The following HPSE2 variants were observed in gnomAD, a reference collection of about 807,000 sequenced individuals.
The protein encoded by HPSE2 is inactive heparanase-2.
A neutral mutation model predicts 60.5 loss-of-function variants in HPSE2; 38 were observed. The ratio of observed to expected loss-of-function variants is 0.63; its 90% CI spans 0.48 to 0.82. The LOEUF (loss-of-function observed/expected upper bound fraction) is 0.82. Among genes scored for constraint, HPSE2 ranks in the 40% least tolerant of loss-of-function variants. The probability of loss-of-function intolerance (pLI) is 0.00; values close to 1 mark genes in which losing one functional copy is unlikely to be tolerated. For missense variants in HPSE2, 713 were observed against 740.4 expected (o/e 0.96, Z 0.43); for synonymous variants, 295 against 293.2 (o/e 1.01, Z -0.06).
intron 1 of HPSE2, among the ~76,000 whole-genome samples, chr10:99,233,369 AAAATGAAGCTTGCCGAAAT>A (rs1849732451): frequency 1.3e-5 from 2 of 152,178 alleles, no homozygotes; most frequent in Non-Finnish European, 2.9e-5. Flanking sequence ...ACCGCTAGGG[AAAATGAAGCTTGCCGAAAT>A]GTGGAACCTG....
At chr10:99,304,081 T>C in the HPSE2 span, among the ~76,000 whole-genome samples, 1 of 152,198 alleles carries the variant, frequency 6.6e-6, no homozygotes, top group Non-Finnish European at 1.5e-5. Flanking sequence ...TCTGCCCTTC[T>C]GAAGCCTGTT....
chr10:98,537,707 C>G (rs932185679), intron 9 of HPSE2, among the ~76,000 whole-genome samples: 2 of 152,190 alleles, frequency 1.3e-5, no homozygotes, highest in Non-Finnish European at 2.9e-5. Context: ...CGTTACTTAG[C>G]AGACCGCGAA....
the HPSE2 span, among the ~76,000 whole-genome samples, chr10:99,292,708 T>A: frequency 6.6e-6 from 1 of 152,216 alleles, no homozygotes; most frequent in South Asian, 2.1e-4. Context: ...TATTTCAACA[T>A]GTAATTAATA....
chr10:98,603,439 G>GC, intron 9 of HPSE2, among the ~76,000 whole-genome samples: 1 of 144,212 alleles, frequency 6.9e-6, no homozygotes, highest in African/African-American at 2.5e-5. Context: ...CTGTTTTTTT[G>GC]TTTTTTTTTT....
chr10:98,583,067 C>T (rs965374679), intron 9 of HPSE2, among the ~76,000 whole-genome samples: 1 of 152,096 alleles, frequency 6.6e-6, no homozygotes, highest in African/African-American at 2.4e-5. Flanking sequence ...ATGCCTACTC[C>T]GGGAACTGTC....
intron 9 of HPSE2, among the ~76,000 whole-genome samples, chr10:98,537,752 ACT>A (rs780652686): frequency 6.6e-6 from 1 of 151,940 alleles, no homozygotes; most frequent in Non-Finnish European, 1.5e-5. Context: ...GTCAGGGAAC[ACT>A]CTGCTCCACC....
At chr10:98,692,154 T>C (rs1948092120) in intron 6 of HPSE2, among the ~76,000 whole-genome samples, 1 of 152,074 alleles carries the variant, frequency 6.6e-6, no homozygotes, top group South Asian at 2.1e-4. Flanking sequence ...GGAAATGACA[T>C]GTAAGGTGAG....
chr10:98,627,872 C>T (rs993806633), intron 7 of HPSE2, among the ~76,000 whole-genome samples: 15 of 152,210 alleles, frequency 9.9e-5, no homozygotes, highest in African/African-American at 3.1e-4. Flanking sequence ...TAGGTAATAG[C>T]CCAGATGCAT....
At chr10:98,994,584 A>G (rs537667779) in intron 3 of HPSE2, among the ~76,000 whole-genome samples, 25 of 152,324 alleles carry the variant, frequency 1.6e-4, no homozygotes, top group Non-Finnish European at 2.9e-4. Context: ...ATGCATAGTA[A>G]AGCCCGGTTT....
chr10:98,694,386 C>A (rs985442693), intron 5 of HPSE2, among the ~76,000 whole-genome samples: 1 of 152,154 alleles, frequency 6.6e-6, no homozygotes, highest in Non-Finnish European at 1.5e-5. Flanking sequence ...TTTCCTAGAG[C>A]GAGCATGGGA....
the HPSE2 span, among the ~76,000 whole-genome samples, chr10:99,261,892 A>C: frequency 6.6e-6 from 1 of 152,216 alleles, no homozygotes; most frequent in Non-Finnish European, 1.5e-5. Flanking sequence ...CCACTGTGCC[A>C]AAAATGCACA....
chr10:98,726,952 A>T (rs1222525391), intron 4 of HPSE2, among the ~76,000 whole-genome samples: 2 of 152,176 alleles, frequency 1.3e-5, no homozygotes, highest in Non-Finnish European at 2.9e-5. Flanking sequence ...ACAGAGATGC[A>T]CTGGCAAAAG....
At chr10:98,514,890 T>G (rs1442036103) in intron 9 of HPSE2, among the ~76,000 whole-genome samples, 2 of 151,692 alleles carry the variant, frequency 1.3e-5, no homozygotes, top group African/African-American at 4.8e-5. Flanking sequence ...GGCTATTTTT[T>G]TTTTTGTATT....
chr10:98,993,063 G>A (rs998071154), intron 3 of HPSE2, among the ~76,000 whole-genome samples: 9 of 152,190 alleles, frequency 5.9e-5, no homozygotes, highest in South Asian at 4.1e-4. Flanking sequence ...TTAAGTTAGC[G>A]CCATGGTCCC....
chr10:98,749,947 T>TATATATATATATACACACACACACAC, intron 3 of HPSE2, among the ~76,000 whole-genome samples: 2 of 98,466 alleles, frequency 2.0e-5, no homozygotes, highest in East Asian at 2.8e-4. Context: ...TATATATATA[T>TATATATATATATACACACACACACAC]ACACACACAC....
chr10:98,583,943 C>T (rs1218936144), intron 9 of HPSE2, among the ~76,000 whole-genome samples: 1 of 152,156 alleles, frequency 6.6e-6, no homozygotes, highest in Non-Finnish European at 1.5e-5. Flanking sequence ...TTTTTAGCAA[C>T]TGTGAGTAGT....
At chr10:99,288,428 A>G in the HPSE2 span, among the ~76,000 whole-genome samples, 1 of 152,200 alleles carries the variant, frequency 6.6e-6, no homozygotes, top group African/African-American at 2.4e-5. Context: ...AGCTTTTAGA[A>G]TTTAATTATC....
At chr10:98,471,523 C>A (rs1343669676) in intron 11 of HPSE2, among the ~76,000 whole-genome samples, 1 of 152,124 alleles carries the variant, frequency 6.6e-6, no homozygotes, top group Non-Finnish European at 1.5e-5. Context: ...TTTTGAGTGC[C>A]ATGTCAGGAG....
At chr10:99,200,991 G>A (rs1455046618) in intron 2 of HPSE2, among the ~76,000 whole-genome samples, 1 of 152,046 alleles carries the variant, frequency 6.6e-6, no homozygotes, top group Non-Finnish European at 1.5e-5. Context: ...GAGGACTCAG[G>A]CAAAAAGAAT....
Sources: allele counts gnomAD v4.1 joint callset (sites outside exome capture counted in the v4.1 genomes callset), GRCh38; gene constraint gnomAD v4.1.1; transcripts MANE v1.5; gene names NCBI Gene and HGNC (gene_info 2026-07-23, HGNC 2026-07-21).